Variants in PRKG1 observed in about 807,000 individuals in gnomAD.
PRKG1 encodes cGMP-dependent protein kinase 1.
A neutral mutation model predicts 88.1 loss-of-function variants in PRKG1; 35 were observed. The observed-to-expected ratio is 0.40, with a 90% CI of 0.30 to 0.53. The LOEUF (loss-of-function observed/expected upper bound fraction) is 0.53, where lower values mean the gene tolerates loss of function less well. PRKG1 is among the 20% of genes least tolerant of loss of function. The probability of loss-of-function intolerance (pLI) is 0.59; values close to 1 mark genes in which losing one functional copy is unlikely to be tolerated. For missense variants in PRKG1, 540 were observed against 839.8 expected (o/e 0.64, Z 4.41); for synonymous variants, 303 against 292.5 (o/e 1.04, Z -0.37).
chr10:51,136,332 A>G (rs1845685276), intron 1 of PRKG1, among the ~76,000 whole-genome samples: 2 of 151,994 alleles, frequency 1.3e-5, no homozygotes, highest in African/African-American at 4.8e-5. Context: ...TCAGGTACCT[A>G]TGTAGGCAAG....
At chr10:51,939,051 C>T (rs901710461) in intron 5 of PRKG1, among the ~76,000 whole-genome samples, 11 of 151,836 alleles carry the variant, frequency 7.2e-5, no homozygotes, top group African/African-American at 2.2e-4. Context: ...AAATTCTTCT[C>T]GTTATGTGTT....
intron 2 of PRKG1, among the ~76,000 whole-genome samples, chr10:51,325,795 A>G (rs1049918592): frequency 6.6e-6 from 1 of 152,138 alleles, no homozygotes; most frequent in South Asian, 2.1e-4. Flanking sequence ...CTCTGAGCCA[A>G]CAAGACCTGG....
chr10:50,991,242 C>T lies in PRKG1; in HGVS notation c.-137C>T. On this transcript the variant is annotated 5_prime_UTR_variant, in exon 1 of 18. Transcript: ENST00000401604. This position sits in a 1 kb window ranked among gnomAD's most constrained non-coding sequence, Gnocchi z 4.5. ...CCCGCGCCGCATTAGGGGCGCACTC[C>T]GCCGCGCTCGAGTACTTAGCGCCCA... is the stretch of plus-strand genomic sequence containing the variant. The T allele has an allele frequency of 7.7e-7, 1 of 1,302,046 alleles. No individual in the cohort carries two copies. The highest frequency in any genetic ancestry group is 1.6e-5 in the African/African-American group (1 of 62,602). 80.7% of individuals were successfully genotyped at this position (1,302,046 alleles called of 1,614,324 possible).
At chr10:52,104,114 A>G (rs142777297) in intron 7 of PRKG1, among the ~76,000 whole-genome samples, 1 of 151,056 alleles carries the variant, frequency 6.6e-6, no homozygotes, top group East Asian at 1.9e-4. Flanking sequence ...TAGCTGTCCT[A>G]TCTGAACAAA....
chr10:51,424,985 A>G (rs977221968), intron 2 of PRKG1, among the ~76,000 whole-genome samples: 17 of 152,262 alleles, frequency 1.1e-4, no homozygotes, highest in African/African-American at 3.9e-4. Flanking sequence ...AATCTTCTGA[A>G]CAGAATACAG....
At chr10:51,968,607 G>A (rs1189449591) in intron 5 of PRKG1, among the ~76,000 whole-genome samples, 1 of 151,876 alleles carries the variant, frequency 6.6e-6, no homozygotes, top group Non-Finnish European at 1.5e-5. Flanking sequence ...CAGATCACGA[G>A]GTCAAGAGTT....
intron 4 of PRKG1, among the ~76,000 whole-genome samples, chr10:51,833,330 C>A (rs1387689626): frequency 6.6e-6 from 1 of 152,148 alleles, no homozygotes; most frequent in Non-Finnish European, 1.5e-5. Context: ...TAGGGATAGT[C>A]ATTGAGCATA....
intron 9 of PRKG1, among the ~76,000 whole-genome samples, chr10:52,185,344 C>A (rs1268936932): frequency 2.6e-5 from 4 of 152,196 alleles, no homozygotes; most frequent in African/African-American, 7.2e-5. Context: ...TCCTTGGACT[C>A]CACATCCCAC....
At chr10:51,389,280 A>T (rs12269264) in intron 2 of PRKG1, among the ~76,000 whole-genome samples, 1 of 151,988 alleles carries the variant, frequency 6.6e-6, no homozygotes, top group Admixed American at 6.6e-5. Flanking sequence ...ATGCAAAGAC[A>T]TTACTCTTAG....
chr10:51,177,884 T>C (rs561671910), intron 2 of PRKG1, among the ~76,000 whole-genome samples: 58 of 152,186 alleles, frequency 3.8e-4, no homozygotes, highest in African/African-American at 1.3e-3. Flanking sequence ...ATATATGTTA[T>C]ATGTATATAC....
intron 9 of PRKG1, among the ~76,000 whole-genome samples, chr10:52,191,716 T>C (rs28610279): frequency 6.6e-6 from 1 of 152,174 alleles, no homozygotes; most frequent in Non-Finnish European, 1.5e-5. Context: ...CTACATGAAG[T>C]TGGATCAGTG....
intron 9 of PRKG1, among the ~76,000 whole-genome samples, chr10:52,220,654 T>A (rs1359929491): frequency 4.6e-5 from 7 of 152,122 alleles, no homozygotes; most frequent in Admixed American, 4.6e-4. Flanking sequence ...CACTTATAAG[T>A]GAGAACATGC....
At chr10:52,259,601 A>T (rs1004840679) in intron 10 of PRKG1, among the ~76,000 whole-genome samples, 4 of 152,072 alleles carry the variant, frequency 2.6e-5, no homozygotes, top group Admixed American at 2.6e-4. Context: ...TAGCTTGAAC[A>T]TTGAGCTATG....
At chr10:51,097,420 G>T (rs1396227449) in intron 1 of PRKG1, among the ~76,000 whole-genome samples, 1 of 151,944 alleles carries the variant, frequency 6.6e-6, no homozygotes, top group Non-Finnish European at 1.5e-5. Context: ...ACGGGGTTTT[G>T]CCATGTTGCC....
chr10:51,385,790 TA>T (rs1290279590), intron 2 of PRKG1, among the ~76,000 whole-genome samples: 5 of 152,214 alleles, frequency 3.3e-5, no homozygotes, highest in Non-Finnish European at 7.3e-5. Flanking sequence ...TTTCTTCTAC[TA>T]TATTTCTTTG....
At chr10:51,460,987 A>T (rs913087163) in intron 2 of PRKG1, among the ~76,000 whole-genome samples, 5 of 152,158 alleles carry the variant, frequency 3.3e-5, no homozygotes, top group African/African-American at 1.2e-4. Context: ...ATACCTTGAT[A>T]AGTATATTGA....
At chr10:51,212,760 C>G (rs1589248929) in intron 2 of PRKG1, among the ~76,000 whole-genome samples, 1 of 152,220 alleles carries the variant, frequency 6.6e-6, no homozygotes, top group Non-Finnish European at 1.5e-5. Context: ...ATCAAAACCA[C>G]AGTGAGATAC....
rs575554282 is a variant in PRKG1 at position 51,324,485 on chromosome 10, C to T, written c.479-143238C>T. 4.0e-5 allele frequency among the ~76,000 whole-genome samples: 6 copies of T among 151,460 alleles called. No homozygotes were observed. In the South Asian group the frequency reaches 6.3e-4, roughly 16 times the overall value. ...ATTGTGGGCCGGGCGCGGTGGCTCA[C>T]GCCAGGCCGAGGCAGGCAGATTATC... On this transcript the variant is annotated intron_variant, in intron 2 of 17. Transcript: ENST00000373980.
intron 2 of PRKG1, among the ~76,000 whole-genome samples, chr10:51,249,917 C>A (rs1839386266): frequency 1.3e-5 from 2 of 151,758 alleles, no homozygotes; most frequent in Admixed American, 6.6e-5. Flanking sequence ...TGCTTAAGTG[C>A]CTTTAAAAGC....
Sources: gnomAD v4.1 joint callset for allele counts (sites outside exome capture counted in the v4.1 genomes callset) on GRCh38, gnomAD v4.1.1 for gene constraint, Gnocchi (gnomAD v3.1) non-coding constraint, MANE v1.5 for transcripts, NCBI Gene and HGNC (gene_info 2026-07-23, HGNC 2026-07-21) for gene names.